The following RRM1 variants were observed in gnomAD, a reference collection of about 807,000 sequenced individuals.
RRM1 encodes the protein ribonucleotide reductase catalytic subunit M1, also known as ribonucleoside-diphosphate reductase large subunit.
RRM1 carries 19 observed loss-of-function variants against 101.5 expected under a neutral mutation model. The ratio of observed to expected loss-of-function variants is 0.19; its 90% CI spans 0.13 to 0.27. The LOEUF (loss-of-function observed/expected upper bound fraction) is 0.27, where lower values mean the gene tolerates loss of function less well. RRM1 is among the 10% of genes least tolerant of loss of function. The pLI is 1.00. For synonymous variants in RRM1, 298 were observed against 323.4 expected (o/e 0.92, Z 0.84); for missense variants, 500 against 962.9 (o/e 0.52, Z 6.36).
chr11:4,115,179 AAAGAGCAAAAG>A (rs1301546203), intron 7 of RRM1, among the ~76,000 whole-genome samples: 44 of 152,334 alleles, frequency 2.9e-4, no homozygotes, highest in African/African-American at 7.5e-4. Context: ...AATTCATGTG[AAAGAGCAAAAG>A]ACTGCCCAAA....
At chr11:4,125,602 G>A (rs2094588263) in intron 12 of RRM1, among the ~76,000 whole-genome samples, 1 of 152,004 alleles carries the variant, frequency 6.6e-6, no homozygotes, top group African/African-American at 2.4e-5. Context: ...CCTACCTCAG[G>A]ATTTTTGCTC....
chr11:4,120,955 G>A (rs917359950), intron 9 of RRM1, among the ~76,000 whole-genome samples: 4 of 152,216 alleles, frequency 2.6e-5, no homozygotes, highest in Non-Finnish European at 5.9e-5. Flanking sequence ...GTAGGCAGGA[G>A]GTTGCAGTGA....
intron 12 of RRM1, among the ~76,000 whole-genome samples, chr11:4,125,237 A>G (rs896571583): frequency 1.3e-5 from 2 of 152,012 alleles, no homozygotes; most frequent in African/African-American, 4.8e-5. Flanking sequence ...ATCACTGTAG[A>G]TAATGAAACC....
intron 16 of RRM1, 83 bp from the exon 17 acceptor site, chr11:4,133,480 T>C (rs1385115433): frequency 2.6e-6 from 2 of 777,958 alleles, no homozygotes; most frequent in Non-Finnish European, 4.2e-6. Flanking sequence ...TTAAGTGATT[T>C]TAGTTTAAGC....
At chr11:4,108,425 C>T (rs531986031) in intron 4 of RRM1, among the ~76,000 whole-genome samples, 7 of 151,846 alleles carry the variant, frequency 4.6e-5, no homozygotes, top group Middle Eastern at 3.4e-3. Context: ...GGTGAAACCC[C>T]GTCTCTACTA....
intron 12 of RRM1, among the ~76,000 whole-genome samples, chr11:4,124,941 A>C (rs1349299796): frequency 6.9e-6 from 1 of 144,914 alleles, no homozygotes; most frequent in South Asian, 2.2e-4. Flanking sequence ...TTTGAGACAG[A>C]GTCTTGCTCT....
chr11:4,100,003 C>A (rs183047711), intron 1 of RRM1, among the ~76,000 whole-genome samples: 66 of 152,250 alleles, frequency 4.3e-4, no homozygotes, highest in Non-Finnish European at 8.2e-4. Context: ...TACCTGCCTG[C>A]TTAGTTATCC....
At chr11:4,134,899 G>T (rs575621301) in intron 17 of RRM1, among the ~76,000 whole-genome samples, 183 bp from the exon 18 acceptor site, 1 of 152,296 alleles carries the variant, frequency 6.6e-6, no homozygotes, top group South Asian at 2.1e-4. Flanking sequence ...TTAGATGGGG[G>T]TTTTGTTCAA....
chr11:4,120,109 G>C, intron 9 of RRM1, 181 bp downstream of exon 9: 1 of 511,160 alleles, frequency 2.0e-6, no homozygotes, highest in East Asian at 3.4e-5. Flanking sequence ...GATGGGTTTT[G>C]ACAAATGTAT....
chr11:4,102,166 T>G (rs2094552450), intron 2 of RRM1, 85 bp downstream of exon 2: 1 of 732,800 alleles, frequency 1.4e-6, no homozygotes, highest in African/African-American at 1.8e-5. Flanking sequence ...TTCATTCACC[T>G]GATATACTTT....
intron 7 of RRM1, among the ~76,000 whole-genome samples, chr11:4,114,848 G>T (rs994979699): frequency 6.6e-6 from 1 of 151,972 alleles, no homozygotes; most frequent in African/African-American, 2.4e-5. Flanking sequence ...AAATAGTTGG[G>T]ATTACAGGCG....
rs191879513 is a variant in RRM1, at chr11:4,110,552, G to A, written c.447+849G>A. Among the ~76,000 whole-genome samples, 977 of 152,132 alleles carry A rather than the reference G, an allele frequency of 6.4e-3. 4 individuals carry two copies. The highest frequency in any genetic ancestry group is 8.9e-3 in the Non-Finnish European group (604 of 67,998). On this transcript the variant is annotated intron_variant, in intron 5 of 18. Coordinates refer to ENST00000300738, the MANE Select transcript of RRM1 (RefSeq NM_001033.5). Reference sequence around the variant, plus strand: ...GGAAGCCGAGGCGGGCTGATCACTCGAGGTCAGGAGTTCGAGACCAGCCTG... The same window carrying A: ...GGAAGCCGAGGCGGGCTGATCACTCAAGGTCAGGAGTTCGAGACCAGCCTG...
At chr11:4,111,847 C>A in intron 6 of RRM1, 53 bp from the exon 7 acceptor site, 1 of 1,537,552 alleles carries the variant, frequency 6.5e-7, no homozygotes, top group Non-Finnish European at 8.9e-7. Flanking sequence ...ATACGTATCT[C>A]AACCTACTTT....
At chr11:4,107,570 A>G (rs368437566) in intron 4 of RRM1, 35 bp downstream of exon 4, 3 of 1,394,582 alleles carry the variant, frequency 2.2e-6, no homozygotes, top group Non-Finnish European at 3.0e-6. Flanking sequence ...AAATTTTTTG[A>G]GAGTCTTTTT....
intron 7 of RRM1, among the ~76,000 whole-genome samples, chr11:4,114,667 C>T (rs1055874260): frequency 3.3e-5 from 5 of 152,052 alleles, no homozygotes; most frequent in African/African-American, 7.2e-5. Flanking sequence ...ATAAATTAAC[C>T]TTCGATTACT....
intron 5 of RRM1, among the ~76,000 whole-genome samples, chr11:4,111,286 C>T (rs2094565148): frequency 1.3e-5 from 2 of 151,798 alleles, no homozygotes; most frequent in South Asian, 2.1e-4. Flanking sequence ...TGGTGGGCGC[C>T]TGTAGTCCCA....
At chr11:4,130,086 A>ATATATATT (rs1202870487) in intron 15 of RRM1, among the ~76,000 whole-genome samples, 6 of 99,446 alleles carry the variant, frequency 6.0e-5, no homozygotes, top group South Asian at 6.1e-4. Flanking sequence ...ATATATATAT[A>ATATATATT]TTTTTTTTTT....
Position 4,122,781 on chromosome 11 carries a change from G to A in RRM1, c.1119-402G>A, listed in dbSNP as rs1041792702. Among the ~76,000 whole-genome samples, 50 of 152,002 alleles carry A rather than the reference G, an allele frequency of 3.3e-4. 1 individual carries two copies. On this transcript the variant is annotated intron_variant, in intron 11 of 18. Transcript: ENST00000300738. ...CCAGCTACTTGGGAGGCTGAGGTAG[G>A]AGAATTGCTTGAACCTGGGAGGTGG...
intron 14 of RRM1, among the ~76,000 whole-genome samples, chr11:4,128,411 G>A (rs150068781): frequency 1.4e-3 from 217 of 152,184 alleles, no homozygotes; most frequent in Non-Finnish European, 2.5e-3. Flanking sequence ...TGCACCTGGC[G>A]TAATCTTCCT....
Sources: allele counts gnomAD v4.1 joint callset (sites outside exome capture counted in the v4.1 genomes callset), GRCh38; gene constraint gnomAD v4.1.1; transcripts MANE v1.5; gene names NCBI Gene and HGNC (gene_info 2026-07-23, HGNC 2026-07-21).